DIS3L2: variants seen among roughly 807,000 people sequenced by gnomAD.
DIS3L2 encodes the protein DIS3 like 3'-5' exoribonuclease 2.
A neutral mutation model predicts 97.5 loss-of-function variants in DIS3L2; 34 were observed. The ratio of observed to expected loss-of-function variants is 0.35; its 90% confidence interval spans 0.27 to 0.46. The LOEUF is 0.46. Ranked by LOEUF, DIS3L2 falls within the 20% of genes least tolerant of loss-of-function variation. The pLI is 1.00. For synonymous variants in DIS3L2, 435 were observed against 445.2 expected (o/e 0.98, Z 0.29); for missense variants, 1,038 against 1,146.0 (o/e 0.91, Z 1.36).
intron 8 of DIS3L2, among the ~76,000 whole-genome samples, chr2:232,138,907 C>T (rs1698433486): frequency 6.6e-6 from 1 of 152,138 alleles, no homozygotes; most frequent in African/African-American, 2.4e-5. Context: ...AGTCATTTTC[C>T]TCTTCTGTAG....
intron 11 of DIS3L2, among the ~76,000 whole-genome samples, chr2:232,239,080 C>T (rs1282039505): frequency 6.6e-6 from 1 of 152,142 alleles, no homozygotes; most frequent in Non-Finnish European, 1.5e-5. Context: ...CTGGTCCTGA[C>T]CTGCCCATTA....
At chr2:232,038,580 A>G (rs1322236300) in intron 5 of DIS3L2, among the ~76,000 whole-genome samples, 1 of 152,158 alleles carries the variant, frequency 6.6e-6, no homozygotes, top group Non-Finnish European at 1.5e-5. Flanking sequence ...AAATAAGCAA[A>G]CATATGAATA....
intron 6 of DIS3L2, among the ~76,000 whole-genome samples, chr2:232,109,389 C>T (rs925575211): frequency 3.3e-5 from 5 of 151,732 alleles, no homozygotes; most frequent in African/African-American, 9.7e-5. Context: ...TGCAGGGAGC[C>T]GAGATTGCAC....
Position 232,163,604 on chromosome 2 carries a change from G to T in DIS3L2, c.1096G>T (p.Glu366Ter), listed in dbSNP as rs760123810. The T allele has an allele frequency of 4.3e-6, 7 of 1,613,752 alleles. No individual in the cohort carries two copies. The highest frequency in any genetic ancestry group is 5.9e-6 in the Non-Finnish European group (7 of 1,180,006). Residue 366 changes from glutamate to a stop codon, truncating the protein, a stop_gained, in exon 9 of 21, where the codon GAG becomes TAG. Transcript: ENST00000325385. LOFTEE classifies it high-confidence loss of function. ...PQGLPWTIPP[E>*]EFSKRRDLRK... is the part of the protein sequence containing the mutation. Reference sequence around the variant, plus strand: ...AGGCCTGCCATGGACAATTCCACCAGAGGAGTTCAGCAAGAGAAGGGATTT... The same window carrying T: ...AGGCCTGCCATGGACAATTCCACCATAGGAGTTCAGCAAGAGAAGGGATTT...
chr2:231,989,301 T>A (rs1406918855), intron 1 of DIS3L2, among the ~76,000 whole-genome samples: 4 of 151,784 alleles, frequency 2.6e-5, no homozygotes, highest in Non-Finnish European at 5.9e-5. Flanking sequence ...CAGTGTGACC[T>A]GTAAATGGGA....
At chr2:232,006,790 G>C (rs993152428) in intron 1 of DIS3L2, among the ~76,000 whole-genome samples, 1 of 152,222 alleles carries the variant, frequency 6.6e-6, no homozygotes, top group Non-Finnish European at 1.5e-5. Flanking sequence ...CCACAAGACT[G>C]TTGTGTTCTG....
chr2:232,224,209 A>G (rs1468840670), intron 10 of DIS3L2, among the ~76,000 whole-genome samples: 1 of 152,222 alleles, frequency 6.6e-6, no homozygotes. Context: ...ATATACAACC[A>G]CATGGTTTTT....
Position 232,336,885 on chromosome 2 carries a change from C to T in DIS3L2, c.*255C>T, listed in dbSNP as rs143054885. 8.6e-4 allele frequency: 1,137 copies of T among 1,321,214 alleles called. 22 individuals carry two copies. In the East Asian group the frequency reaches 0.031, roughly 37 times the overall value. The allele number at this position is 1,321,214 out of a possible 1,614,324, so 81.8% of individuals were successfully genotyped here. ...CAGTCCTCCTGGGAGGCTGGCCCCC[C>T]TTTTTTCTGGGCCCTACTGCCCTCC... On this transcript the variant is annotated 3_prime_UTR_variant, in exon 21 of 21. Coordinates refer to ENST00000325385, the MANE Select transcript of DIS3L2 (RefSeq NM_152383.5).
chr2:232,336,577 G>T lies in DIS3L2; in HGVS notation c.2605G>T (p.Glu869Ter). The T allele has an allele frequency of 6.8e-6, 11 of 1,608,984 alleles. No homozygotes were observed. The highest frequency in any genetic ancestry group is 9.3e-6 in the Non-Finnish European group (11 of 1,179,896). The change falls in exon 21 of 21, where the codon GAG becomes TAG. Residue 869 changes from glutamate to a stop codon, truncating the protein, a stop_gained. Coordinates refer to ENST00000325385, the MANE Select transcript of DIS3L2 (RefSeq NM_152383.5). LOFTEE classifies it low-confidence loss of function (END_TRUNC). ...AGGCACCCAGGGCCACCTGGGCCCT[G>T]AGAAGGAGGAGGAGGAGTCTGACGG... ...RPGTQGHLGPEKEEEESDGEP... is the reference protein window; with the variant it reads ...RPGTQGHLGP
intron 20 of DIS3L2, 55 bp from the exon 21 acceptor site, chr2:232,336,414 C>T (rs1242260312): frequency 7.7e-6 from 12 of 1,568,002 alleles, no homozygotes; most frequent in East Asian, 4.8e-5. Context: ...GGCAGAGCTG[C>T]GCCTCGACAT....
chr2:232,335,901 C>G (rs1450217042), intron 20 of DIS3L2, 27 bp downstream of exon 20: 3 of 1,549,852 alleles, frequency 1.9e-6, no homozygotes, highest in Non-Finnish European at 2.6e-6. Context: ...GTCCCAGCCC[C>G]CTAAGTCCTG....
rs145198921 is a variant in DIS3L2 at position 232,055,739 on chromosome 2, A to G, written c.366+25659A>G. Among the ~76,000 whole-genome samples the G allele has an allele frequency of 3.9e-4, 60 of 152,352 alleles. 1 individual carries two copies. The highest frequency in any genetic ancestry group is 1.4e-3 in the African/African-American group (58 of 41,578). Reference sequence around the variant, plus strand: ...ATCAAGACTTACCATAAGTGAGCACAGTTACAATAGTTTGGTATTTAGTAT... The same window carrying G: ...ATCAAGACTTACCATAAGTGAGCACGGTTACAATAGTTTGGTATTTAGTAT... On this transcript the variant is annotated intron_variant, in intron 5 of 20. Transcript: ENST00000325385.
intron 13 of DIS3L2, chr2:232,343,113 C>A: frequency 1.9e-6 from 1 of 520,166 alleles, no homozygotes; most frequent in South Asian, 2.3e-5. Flanking sequence ...ACCCTGGGGT[C>A]TTCTGGAAGT....
chr2:232,009,824 G>A (rs1559537682), intron 1 of DIS3L2, among the ~76,000 whole-genome samples: 1 of 152,144 alleles, frequency 6.6e-6, no homozygotes, highest in South Asian at 2.1e-4. Flanking sequence ...TAGTCTCCAC[G>A]TTGGTCTGCT....
At chr2:232,304,853 TTATC>T (rs1187266590) in intron 14 of DIS3L2, among the ~76,000 whole-genome samples, 1 of 152,228 alleles carries the variant, frequency 6.6e-6, no homozygotes, top group Admixed American at 6.5e-5. Flanking sequence ...TTAGAAATTT[TTATC>T]TATTATCTTT....
intron 5 of DIS3L2, among the ~76,000 whole-genome samples, chr2:232,077,837 C>T (rs375507149): frequency 1.1e-3 from 160 of 152,262 alleles, no homozygotes; most frequent in African/African-American, 3.7e-3. Flanking sequence ...CCTTTTTTCA[C>T]GCTGAGCCCA....
In DIS3L2 at chr2:232,332,762, C is replaced by T. The variant is rs532363654; in HGVS notation, c.2011-1078C>T. 6.6e-5 allele frequency among the ~76,000 whole-genome samples: 10 copies of T among 152,320 alleles called. No homozygotes were observed. In the South Asian group the frequency reaches 1.4e-3, roughly 22 times the overall value. ...GAGGCTGGCAGGCCGGAAACTGCCT[C>T]CCTTGACTGCTGTGGGGTGGAGTAT... On this transcript the variant is annotated intron_variant, in intron 16 of 20. Transcript: ENST00000325385.
chr2:232,336,880 C>A lies in DIS3L2; in HGVS notation c.*250C>A. The A allele has an allele frequency of 2.3e-6, 3 of 1,325,800 alleles. No individual in the cohort carries two copies. The highest frequency in any genetic ancestry group is 9.6e-7 in the Non-Finnish European group (1 of 1,038,120). 82.1% of individuals were successfully genotyped at this position (1,325,800 alleles called of 1,614,324 possible). A position where few individuals can be genotyped will look rare whatever the true frequency, so the allele number is the denominator to read the frequency against. ...GGCCCCAGTCCTCCTGGGAGGCTGG[C>A]CCCCCTTTTTTCTGGGCCCTACTGC... On this transcript the variant is annotated 3_prime_UTR_variant, in exon 21 of 21. Transcript: ENST00000325385.
At chr2:232,238,415 T>C (rs1692990394) in intron 10 of DIS3L2, 118 bp from the exon 11 acceptor site, 8 of 735,516 alleles carry the variant, frequency 1.1e-5, no homozygotes, top group Middle Eastern at 3.8e-4. Context: ...ACTAGATGTG[T>C]CACCTAACTG....
Sources: gnomAD v4.1 joint callset for allele counts (sites outside exome capture counted in the v4.1 genomes callset) on GRCh38, gnomAD v4.1.1 for gene constraint, MANE v1.5 for transcripts, NCBI Gene and HGNC (gene_info 2026-07-23, HGNC 2026-07-21) for gene names.